LRP1B: variants seen among roughly 807,000 people sequenced by gnomAD.
The protein encoded by LRP1B is LDL receptor related protein 1B, also known as low-density lipoprotein receptor-related protein 1B.
A neutral mutation model predicts 556.6 loss-of-function variants in LRP1B; 217 were observed. The ratio of observed to expected loss-of-function variants is 0.39; its 90% CI spans 0.35 to 0.44. LRP1B has a LOEUF of 0.44. LRP1B is among the 20% of genes least tolerant of loss of function. The pLI is 1.00. For synonymous variants in LRP1B, 2,047 were observed against 1,865.8 expected (o/e 1.10, Z -2.50); for missense variants, 5,053 against 5,620.8 (o/e 0.90, Z 3.23).
At chr2:141,453,850 T>C (rs13383589) in intron 3 of LRP1B, among the ~76,000 whole-genome samples, 30,334 of 151,372 alleles carry the variant, frequency 0.2, 3,572 homozygotes, top group East Asian at 0.44. Context: ...GAGTGGGATG[T>C]TTCAGTGAGC....
chr2:140,931,159 A>T (rs1345364559), intron 20 of LRP1B, among the ~76,000 whole-genome samples: 1 of 152,096 alleles, frequency 6.6e-6, no homozygotes, highest in Non-Finnish European at 1.5e-5. Flanking sequence ...ATGTAGTATG[A>T]TCTCTGCTGT....
At chr2:141,516,418 C>T (rs946438934) in intron 2 of LRP1B, among the ~76,000 whole-genome samples, 2 of 152,130 alleles carry the variant, frequency 1.3e-5, no homozygotes, top group African/African-American at 4.8e-5. Flanking sequence ...TGTTAGATCA[C>T]ACAAGATTTT....
intron 35 of LRP1B, among the ~76,000 whole-genome samples, chr2:140,740,241 T>C (rs1276979497): frequency 2.0e-5 from 3 of 152,130 alleles, no homozygotes; most frequent in Non-Finnish European, 4.4e-5. Flanking sequence ...CAACTTGCAA[T>C]TGCAAAATAA....
Position 140,238,278 on chromosome 2 carries a change from T to C in LRP1B, c.13434A>G (p.Arg4478=). The change falls in exon 89 of 91, where the codon AGA becomes AGG. Residue 4478 remains arginine (R), a synonymous_variant. Transcript: ENST00000389484. ...TTATTCCTCCATTGATAATAGGTTGTCTTCTAATTGTTTTTGTCCTAGAAT... is the reference window on the plus strand; with the variant it reads ...TTATTCCTCCATTGATAATAGGTTGCCTTCTAATTGTTTTTGTCCTAGAAT... ...KRKRRTKTIR[R]QPIINGGINV... is the part of the protein sequence containing the mutation. The C allele has an allele frequency of 6.5e-7, 1 of 1,547,836 alleles. No homozygotes were observed. The highest frequency in any genetic ancestry group is 8.9e-7 in the Non-Finnish European group (1 of 1,123,652).
intron 1 of LRP1B, among the ~76,000 whole-genome samples, chr2:142,003,262 C>G (rs1019802981): frequency 1.3e-5 from 2 of 152,314 alleles, no homozygotes; most frequent in East Asian, 3.9e-4. Flanking sequence ...TGCAATATAT[C>G]AAATGCCTAA....
intron 2 of LRP1B, among the ~76,000 whole-genome samples, chr2:141,496,135 G>A (rs146849326): frequency 7.9e-5 from 12 of 151,908 alleles, no homozygotes; most frequent in African/African-American, 1.4e-4. Context: ...CAAGGGTTTC[G>A]TCTTCCTTGA....
chr2:140,460,383 A>C (rs1006137713), intron 60 of LRP1B, among the ~76,000 whole-genome samples: 3 of 152,196 alleles, frequency 2.0e-5, no homozygotes, highest in Non-Finnish European at 4.4e-5. Flanking sequence ...TGGAGCTAAT[A>C]AAAAATCACC....
At chr2:141,314,411 G>T (rs942071034) in intron 3 of LRP1B, among the ~76,000 whole-genome samples, 1 of 152,012 alleles carries the variant, frequency 6.6e-6, no homozygotes, top group South Asian at 2.1e-4. Flanking sequence ...AAATATTTTT[G>T]AGTCTCCTAG....
At chr2:140,767,978 T>A (rs1172786732) in intron 35 of LRP1B, among the ~76,000 whole-genome samples, 1 of 151,948 alleles carries the variant, frequency 6.6e-6, no homozygotes, top group East Asian at 1.9e-4. Flanking sequence ...GGTAGATTAT[T>A]CATTGTAGAG....
intron 2 of LRP1B, among the ~76,000 whole-genome samples, chr2:141,774,366 C>T (rs116852349): frequency 6.6e-6 from 1 of 152,176 alleles, no homozygotes; most frequent in East Asian, 1.9e-4. Context: ...GAGGAACTAG[C>T]ATATTACATG....
intron 2 of LRP1B, among the ~76,000 whole-genome samples, chr2:141,481,692 A>T (rs758349670): frequency 2.0e-5 from 3 of 152,180 alleles, no homozygotes; most frequent in Non-Finnish European, 4.4e-5. Flanking sequence ...TACATAAATA[A>T]ATGTAGCATA....
chr2:141,094,176 T>G (rs530109401), intron 7 of LRP1B, among the ~76,000 whole-genome samples: 2 of 152,166 alleles, frequency 1.3e-5, no homozygotes, highest in Admixed American at 6.5e-5. Flanking sequence ...ACACACATTC[T>G]CATACCTATG....
At chr2:140,947,371 C>T (rs1047642257) in intron 20 of LRP1B, among the ~76,000 whole-genome samples, 1 of 152,148 alleles carries the variant, frequency 6.6e-6, no homozygotes. Flanking sequence ...GAAATTGCAC[C>T]ATATGCTCTG....
At chr2:141,058,398 G>T (rs536731829) in intron 9 of LRP1B, among the ~76,000 whole-genome samples, 1 of 151,522 alleles carries the variant, frequency 6.6e-6, no homozygotes. Flanking sequence ...AGAAACAACT[G>T]GTTTGTTTTT....
intron 2 of LRP1B, among the ~76,000 whole-genome samples, chr2:141,632,228 G>A (rs544958350): frequency 9.2e-5 from 14 of 152,010 alleles, no homozygotes; most frequent in African/African-American, 1.4e-4. Flanking sequence ...TTTAAAATGC[G>A]TATTAAAAAA....
chr2:141,062,716 T>C (rs926575694), intron 7 of LRP1B, among the ~76,000 whole-genome samples: 2 of 151,792 alleles, frequency 1.3e-5, no homozygotes, highest in Non-Finnish European at 2.9e-5. Flanking sequence ...TGGAGCTCAA[T>C]GACGCTATGA....
chr2:142,020,971 A>C (rs1703309072), intron 1 of LRP1B, among the ~76,000 whole-genome samples: 6 of 152,206 alleles, frequency 3.9e-5, no homozygotes, highest in Admixed American at 3.3e-4. Flanking sequence ...TACTTCCATG[A>C]ATGACAGTAA....
rs1383969551 is a variant in LRP1B at position 140,795,881 on chromosome 2, G to A, written c.5359+17776C>T. On this transcript the variant is annotated intron_variant, in intron 32 of 90. Coordinates refer to ENST00000389484, the MANE Select transcript of LRP1B (RefSeq NM_018557.3). ...CAGGAGTAATCTCTTCAGTTATCTTGATTTATTCTTATATTCTTACTCTAA... is the reference window on the plus strand; with the variant it reads ...CAGGAGTAATCTCTTCAGTTATCTTAATTTATTCTTATATTCTTACTCTAA... Among the ~76,000 whole-genome samples, 4 of 151,934 alleles carry A rather than the reference G, an allele frequency of 2.6e-5. No homozygotes were observed. In the East Asian group the frequency reaches 5.8e-4, roughly 22 times the overall value.
chr2:141,878,145 T>C (rs1041172640), intron 1 of LRP1B, among the ~76,000 whole-genome samples: 13 of 151,998 alleles, frequency 8.6e-5, no homozygotes, highest in African/African-American at 3.1e-4. Context: ...GAAAGACTTT[T>C]TTTTTCCTTT....
Sources: allele counts gnomAD v4.1 joint callset (sites outside exome capture counted in the v4.1 genomes callset), GRCh38; gene constraint gnomAD v4.1.1; transcripts MANE v1.5; gene names NCBI Gene and HGNC (gene_info 2026-07-23, HGNC 2026-07-21).